The following NLGN1 variants were observed in gnomAD, a reference collection of about 807,000 sequenced individuals.
The protein encoded by NLGN1 is neuroligin 1.
NLGN1 carries 12 observed loss-of-function variants against 65.5 expected under a neutral mutation model. That is an observed-to-expected ratio of 0.18 (90% CI 0.12 to 0.30). NLGN1 has a LOEUF of 0.30. NLGN1 is among the 10% of genes least tolerant of loss of function. The pLI, the probability that NLGN1 is intolerant of heterozygous loss-of-function variation, is 1.00. For missense variants in NLGN1, 750 were observed against 1,007.1 expected, an observed-to-expected ratio of 0.74 and a Z score of 3.46; for synonymous variants, 350 against 359.5, an observed-to-expected ratio of 0.97 and a Z score of 0.30.
intron 4 of NLGN1, among the ~76,000 whole-genome samples, chr3:174,151,130 T>TTGA (rs1159731538): frequency 9.9e-5 from 15 of 150,862 alleles, no homozygotes; most frequent in African/African-American, 3.2e-4. Flanking sequence ...ATATCATATA[T>TTGA]TGATGAGTGG....
At chr3:173,797,709 C>T (rs1406529031) in intron 3 of NLGN1, among the ~76,000 whole-genome samples, 2 of 110,750 alleles carry the variant, frequency 1.8e-5, no homozygotes, top group Non-Finnish European at 4.0e-5. Context: ...CAAAAAAAAA[C>T]AAGAAACAAA....
intron 4 of NLGN1, among the ~76,000 whole-genome samples, chr3:173,857,491 T>C (rs1409022121): frequency 3.9e-5 from 6 of 152,066 alleles, no homozygotes; most frequent in Non-Finnish European, 8.8e-5. Context: ...TTTGACTGTT[T>C]TTCTGCTTCT....
chr3:174,015,462 A>G (rs1314192256), intron 4 of NLGN1, among the ~76,000 whole-genome samples: 1 of 152,108 alleles, frequency 6.6e-6, no homozygotes, highest in South Asian at 2.1e-4. Context: ...TCTCTTCTAT[A>G]TGGACACTAA....
chr3:173,992,774 C>T (rs1421198220), intron 4 of NLGN1, among the ~76,000 whole-genome samples: 1 of 152,146 alleles, frequency 6.6e-6, no homozygotes, highest in Non-Finnish European at 1.5e-5. Context: ...CACATATAGT[C>T]TATAAGTCTG....
chr3:173,930,329 C>A (rs1743865572), intron 4 of NLGN1, among the ~76,000 whole-genome samples: 1 of 152,096 alleles, frequency 6.6e-6, no homozygotes, highest in Admixed American at 6.6e-5. Context: ...AAAAAATGTT[C>A]AAGTTAGAGG....
At chr3:173,587,583 A>G (rs1051008458) in intron 2 of NLGN1, among the ~76,000 whole-genome samples, 1 of 152,094 alleles carries the variant, frequency 6.6e-6, no homozygotes, top group African/African-American at 2.4e-5. Flanking sequence ...CTTACCCAAT[A>G]CATGTTTTTG....
chr3:173,849,548 C>A (rs1273693023), intron 4 of NLGN1, among the ~76,000 whole-genome samples: 2 of 152,278 alleles, frequency 1.3e-5, no homozygotes. Flanking sequence ...AATACAAAAT[C>A]AGCGGTATGC....
At chr3:174,045,367 A>C (rs1374624056) in intron 4 of NLGN1, among the ~76,000 whole-genome samples, 1 of 152,232 alleles carries the variant, frequency 6.6e-6, no homozygotes, top group East Asian at 1.9e-4. Context: ...ATGAGCGAAG[A>C]GGGGAAAAGC....
intron 4 of NLGN1, among the ~76,000 whole-genome samples, chr3:174,198,868 A>C (rs1190604025): frequency 5.3e-5 from 1 of 18,762 alleles, no homozygotes; most frequent in Non-Finnish European, 1.2e-4. Context: ...TTTTTTTTTG[A>C]GACGGAGTCT....
chr3:174,235,169 T>A (rs1741488090), intron 4 of NLGN1, among the ~76,000 whole-genome samples: 1 of 151,948 alleles, frequency 6.6e-6, no homozygotes, highest in African/African-American at 2.4e-5. Flanking sequence ...GAGTTTGCAG[T>A]TGTCTCTTCC....
At chr3:173,816,634 C>T (rs370405840) in intron 4 of NLGN1, among the ~76,000 whole-genome samples, 154 of 152,332 alleles carry the variant, frequency 1.0e-3, no homozygotes, top group African/African-American at 3.6e-3. Flanking sequence ...AAACTTCATC[C>T]CTGCCTTGTC....
intron 4 of NLGN1, among the ~76,000 whole-genome samples, chr3:173,881,202 G>A (rs1733190241): frequency 6.7e-6 from 1 of 148,486 alleles, no homozygotes; most frequent in South Asian, 2.2e-4. Flanking sequence ...GGGTTCAGGC[G>A]ATTCTCCTGC....
At chr3:173,653,260 A>G (rs1258258426) in intron 3 of NLGN1, among the ~76,000 whole-genome samples, 2 of 152,184 alleles carry the variant, frequency 1.3e-5, no homozygotes, top group East Asian at 1.9e-4. Flanking sequence ...TGCTCTGGCT[A>G]GGACTTCCAG....
chr3:174,264,942 G>T (rs1012301587), intron 4 of NLGN1, among the ~76,000 whole-genome samples: 3 of 152,102 alleles, frequency 2.0e-5, no homozygotes, highest in African/African-American at 4.8e-5. Context: ...ATACCCTGCT[G>T]TGTGAGGTGT....
chr3:173,850,703 A>T (rs1466752493), intron 4 of NLGN1, among the ~76,000 whole-genome samples: 2 of 151,824 alleles, frequency 1.3e-5, no homozygotes, highest in African/African-American at 2.4e-5. Flanking sequence ...TTTCTAAATT[A>T]TTTTTTCCAA....
chr3:174,167,680 TG>T (rs1268418818), intron 4 of NLGN1, among the ~76,000 whole-genome samples: 2 of 151,488 alleles, frequency 1.3e-5, no homozygotes, highest in African/African-American at 4.8e-5. Context: ...CTATATGCCT[TG>T]GTGATATTCA....
intron 3 of NLGN1, among the ~76,000 whole-genome samples, chr3:173,683,039 C>T (rs2149791536): frequency 6.6e-6 from 1 of 152,262 alleles, no homozygotes; most frequent in East Asian, 1.9e-4. Context: ...TGCTTTTCAT[C>T]ATAGGACATT....
At chr3:173,410,296 T>C (rs1712249179) in intron 1 of NLGN1, among the ~76,000 whole-genome samples, 1 of 152,174 alleles carries the variant, frequency 6.6e-6, no homozygotes. Context: ...GTTTGCATTA[T>C]CATGAGAACC....
intron 2 of NLGN1, among the ~76,000 whole-genome samples, chr3:173,451,862 T>A (rs1037549519): frequency 6.6e-6 from 1 of 152,216 alleles, no homozygotes; most frequent in African/African-American, 2.4e-5. Flanking sequence ...CTGAGCCATG[T>A]GCGTGATATA....
Sources: allele counts gnomAD v4.1 joint callset (sites outside exome capture counted in the v4.1 genomes callset), GRCh38; gene constraint gnomAD v4.1.1; transcripts MANE v1.5; gene names NCBI Gene and HGNC (gene_info 2026-07-23, HGNC 2026-07-21).